Variants in ZFPM2 observed in about 807,000 individuals in gnomAD.
ZFPM2 encodes the protein zinc finger protein, FOG family member 2.
ZFPM2 carries 20 observed loss-of-function variants against 98.6 expected under a neutral mutation model. The ratio of observed to expected loss-of-function variants is 0.20; its 90% confidence interval spans 0.14 to 0.29. The LOEUF (loss-of-function observed/expected upper bound fraction) is 0.29, where lower values mean the gene tolerates loss of function less well. ZFPM2 is among the 10% of genes least tolerant of loss of function. ZFPM2 has a pLI of 1.00. For missense variants in ZFPM2, 1,310 were observed against 1,388.6 expected (o/e 0.94, Z 0.90); for synonymous variants, 518 against 502.7 (o/e 1.03, Z -0.41).
At chr8:105,424,629 T>G (rs571439964) in intron 2 of ZFPM2, among the ~76,000 whole-genome samples, 1 of 152,008 alleles carries the variant, frequency 6.6e-6, no homozygotes, top group Non-Finnish European at 1.5e-5. Flanking sequence ...CCTGGGTTAT[T>G]CAGACTTGGA....
chr8:105,452,675 C>G (rs1812510575), intron 3 of ZFPM2, among the ~76,000 whole-genome samples: 1 of 152,004 alleles, frequency 6.6e-6, no homozygotes, highest in Non-Finnish European at 1.5e-5. Context: ...TTGCTTGAAC[C>G]TAGGAATTTG....
intron 3 of ZFPM2, among the ~76,000 whole-genome samples, chr8:105,474,136 G>A (rs1470938043): frequency 1.3e-5 from 2 of 152,144 alleles, no homozygotes; most frequent in Non-Finnish European, 2.9e-5. Flanking sequence ...ATGTGCTCCC[G>A]AATAAAATCT....
At chr8:105,726,857 C>G (rs1811820267) in intron 5 of ZFPM2, among the ~76,000 whole-genome samples, 1 of 151,490 alleles carries the variant, frequency 6.6e-6, no homozygotes, top group South Asian at 2.1e-4. Context: ...AAGCTAAGGA[C>G]AGGCATTACA....
intron 5 of ZFPM2, among the ~76,000 whole-genome samples, chr8:105,718,319 A>G (rs1695446664): frequency 6.6e-6 from 1 of 151,904 alleles, no homozygotes; most frequent in Non-Finnish European, 1.5e-5. Flanking sequence ...TGGTTAGTTG[A>G]TGCCAGTTTC....
intron 2 of ZFPM2, among the ~76,000 whole-genome samples, chr8:105,443,879 ATTCTATG>A (rs1213806175): frequency 2.6e-5 from 4 of 152,176 alleles, no homozygotes; most frequent in African/African-American, 9.6e-5. Flanking sequence ...AATATGTCTT[ATTCTATG>A]ATATTTATTT....
intron 1 of ZFPM2, among the ~76,000 whole-genome samples, chr8:105,417,618 TTTATA>T (rs1431338713): frequency 2.0e-5 from 3 of 152,162 alleles, no homozygotes; most frequent in African/African-American, 7.2e-5. Context: ...TTCTTACTGT[TTTATA>T]TATTCTTTGC....
chr8:105,494,122 G>A (rs1400892583), intron 3 of ZFPM2, among the ~76,000 whole-genome samples: 1 of 144,774 alleles, frequency 6.9e-6, no homozygotes, highest in Non-Finnish European at 1.5e-5. Context: ...TATCTGAGGT[G>A]TCACTAGGTC....
intron 6 of ZFPM2, among the ~76,000 whole-genome samples, chr8:105,792,641 G>A (rs1175094006): frequency 6.6e-6 from 1 of 152,128 alleles, no homozygotes; most frequent in Non-Finnish European, 1.5e-5. Context: ...GGGTATCCTT[G>A]TTGACTTTCT....
Position 105,468,494 on chromosome 8 carries a change from A to G in ZFPM2, c.301+24113A>G, listed in dbSNP as rs539462190. ...ACTTTGCAACCTCAATGAGGACTCT[A>G]CGCAGCTCCTGGCTTCATTTTCAGT... is the stretch of plus-strand genomic sequence containing the variant. On this transcript the variant is annotated intron_variant, in intron 3 of 7. Coordinates refer to ENST00000407775, the MANE Select transcript of ZFPM2 (RefSeq NM_012082.4). 2.6e-5 allele frequency among the ~76,000 whole-genome samples: 4 copies of G among 152,162 alleles called. No homozygotes were observed. The South Asian group carries it at 6.2e-4, about 24-fold the overall frequency.
At chr8:105,494,612 TG>T in intron 3 of ZFPM2, among the ~76,000 whole-genome samples, 1 of 152,142 alleles carries the variant, frequency 6.6e-6, no homozygotes, top group Non-Finnish European at 1.5e-5. Context: ...ACTAAGTTAC[TG>T]ATTCTCAAAG....
At chr8:105,526,560 C>T (rs765091428) in intron 3 of ZFPM2, among the ~76,000 whole-genome samples, 1 of 152,166 alleles carries the variant, frequency 6.6e-6, no homozygotes, top group South Asian at 2.1e-4. Context: ...TTTATATTTG[C>T]ATTTGAGGTT....
At chr8:105,578,009 T>A (rs1815505684) in intron 4 of ZFPM2, among the ~76,000 whole-genome samples, 1 of 152,126 alleles carries the variant, frequency 6.6e-6, no homozygotes, top group South Asian at 2.1e-4. Flanking sequence ...TTCCAGTATT[T>A]ATCTCTAGAC....
intron 5 of ZFPM2, among the ~76,000 whole-genome samples, chr8:105,641,119 A>G (rs1439924248): frequency 6.6e-6 from 1 of 152,078 alleles, no homozygotes; most frequent in African/African-American, 2.4e-5. Context: ...ACAACTGGAT[A>G]ATAACCAAAC....
At chr8:105,669,012 T>C (rs979624430) in intron 5 of ZFPM2, among the ~76,000 whole-genome samples, 5 of 152,158 alleles carry the variant, frequency 3.3e-5, no homozygotes, top group Admixed American at 6.6e-5. Flanking sequence ...TCATTGTTTT[T>C]TATATGCATT....
chr8:105,564,092 T>A (rs1403956628), intron 4 of ZFPM2, among the ~76,000 whole-genome samples: 1 of 152,052 alleles, frequency 6.6e-6, no homozygotes, highest in Non-Finnish European at 1.5e-5. Flanking sequence ...AATTTCTGAT[T>A]TTAGACAGTT....
At chr8:105,591,953 GTAAAAGA>G (rs938718640) in intron 4 of ZFPM2, among the ~76,000 whole-genome samples, 1 of 152,144 alleles carries the variant, frequency 6.6e-6, no homozygotes, top group Non-Finnish European at 1.5e-5. Context: ...TGTTAATTGT[GTAAAAGA>G]AAAATTTGGT....
chr8:105,350,866 A>G (rs1812627677), intron 1 of ZFPM2, among the ~76,000 whole-genome samples: 1 of 152,078 alleles, frequency 6.6e-6, no homozygotes, highest in African/African-American at 2.4e-5. Context: ...CCCCTAGCAG[A>G]TACTAGATTC....
intron 5 of ZFPM2, among the ~76,000 whole-genome samples, chr8:105,702,221 C>T (rs1031457507): frequency 1.3e-5 from 2 of 152,188 alleles, no homozygotes; most frequent in Non-Finnish European, 2.9e-5. Context: ...TTCCAACTAT[C>T]AGCATCCTCT....
intron 1 of ZFPM2, among the ~76,000 whole-genome samples, chr8:105,330,615 TATATATATATATATATAC>T (rs1563606913): frequency 0.011 from 616 of 57,230 alleles, 10 homozygotes; most frequent in South Asian, 0.021. Flanking sequence ...TATATACACA[TATATATATATATATATAC>T]ATATATATAT....
Sources: allele counts gnomAD v4.1 joint callset (sites outside exome capture counted in the v4.1 genomes callset), GRCh38; gene constraint gnomAD v4.1.1; transcripts MANE v1.5; gene names NCBI Gene and HGNC (gene_info 2026-07-23, HGNC 2026-07-21).